MARCHF11: variants seen among roughly 807,000 people sequenced by gnomAD.
MARCHF11 encodes the protein membrane associated ring-CH-type finger 11.
MARCHF11 carries 29 observed loss-of-function variants against 37.3 expected under a neutral mutation model. The observed-to-expected ratio is 0.78, with a 90% CI of 0.58 to 1.06. The LOEUF is 1.06. MARCHF11 is among the 50% of genes least tolerant of loss of function. The probability of loss-of-function intolerance (pLI) is 0.00; values close to 1 mark genes in which losing one functional copy is unlikely to be tolerated. For synonymous variants in MARCHF11, 233 were observed against 228.0 expected (o/e 1.02, Z -0.20); for missense variants, 482 against 533.4 (o/e 0.90, Z 0.95).
chr5:16,149,814 AC>A (rs1296816724), intron 2 of MARCHF11, among the ~76,000 whole-genome samples: 1 of 152,054 alleles, frequency 6.6e-6, no homozygotes, highest in Non-Finnish European at 1.5e-5. Context: ...GTGGACCTGC[AC>A]CCGTGGTACA....
chr5:16,123,878 C>A (rs1467944369), intron 2 of MARCHF11, among the ~76,000 whole-genome samples: 2 of 152,016 alleles, frequency 1.3e-5, no homozygotes, highest in African/African-American at 4.8e-5. Flanking sequence ...AGAGACCCAC[C>A]TTTTACAATT....
intron 2 of MARCHF11, among the ~76,000 whole-genome samples, chr5:16,092,625 C>T (rs1294063309): frequency 1.3e-5 from 2 of 152,128 alleles, no homozygotes; most frequent in African/African-American, 4.8e-5. Flanking sequence ...GGACAAATAC[C>T]TAATGCCTGA....
intron 2 of MARCHF11, among the ~76,000 whole-genome samples, chr5:16,154,930 G>C (rs1299834398): frequency 2.0e-5 from 3 of 151,794 alleles, no homozygotes; most frequent in Non-Finnish European, 4.4e-5. Context: ...CAATTTGGAA[G>C]TATCTATCAA....
chr5:16,152,679 T>C (rs1440818), intron 2 of MARCHF11, among the ~76,000 whole-genome samples: 32,774 of 151,902 alleles, frequency 0.22, 3,798 homozygotes, highest in South Asian at 0.31. Context: ...ATTGCAGGAA[T>C]TGGCATTGTT....
At chr5:16,086,998 A>G (rs1300906157) in intron 3 of MARCHF11, among the ~76,000 whole-genome samples, 1 of 152,208 alleles carries the variant, frequency 6.6e-6, no homozygotes, top group African/African-American at 2.4e-5. Flanking sequence ...TGGGAAGCCA[A>G]CATGAGCTTC....
chr5:16,077,549 G>A (rs1460293873), intron 3 of MARCHF11, among the ~76,000 whole-genome samples: 1 of 151,994 alleles, frequency 6.6e-6, no homozygotes, highest in African/African-American at 2.4e-5. Flanking sequence ...AATCCTACAG[G>A]AAGAAGGCAA....
At position 16,130,977 on chromosome 5, in the gene MARCHF11, A is replaced by G. The variant is rs889342375; in HGVS notation, c.694-39896T>C. Among the ~76,000 whole-genome samples, 8 of 152,180 alleles carry G rather than the reference A, an allele frequency of 5.3e-5. No homozygotes were observed. The South Asian group carries it at 6.2e-4, about 12-fold the overall frequency. ...CTGATATCTTCTTCATTTTAAGTTG[A>G]TAAGATAATGTTGAATATTTACACG... On this transcript the variant is annotated intron_variant, in intron 2 of 3. Coordinates refer to ENST00000332432, the MANE Select transcript of MARCHF11 (RefSeq NM_001102562.3).
At chr5:16,118,839 T>C (rs1031222142) in intron 2 of MARCHF11, among the ~76,000 whole-genome samples, 7 of 151,844 alleles carry the variant, frequency 4.6e-5, no homozygotes, top group Non-Finnish European at 1.5e-5. Context: ...CAGCTTGGAG[T>C]AGACTGAGGA....
At chr5:16,071,403 C>T (rs370389201) in intron 3 of MARCHF11, among the ~76,000 whole-genome samples, 1 of 152,120 alleles carries the variant, frequency 6.6e-6, no homozygotes, top group East Asian at 1.9e-4. Flanking sequence ...TTAACTGGAC[C>T]ATCACCTTAC....
Position 16,179,620 on chromosome 5 carries a change from G to C in MARCHF11, c.-45C>G, listed in dbSNP as rs1369006580. ...TCCTGCCGGCCCGGCTGGCGGGCCG[G>C]GCTCTGGCTGCAGGGAAAGAGAGCG... On this transcript the variant is annotated 5_prime_UTR_variant, in exon 1 of 4. Coordinates refer to ENST00000332432, the MANE Select transcript of MARCHF11 (RefSeq NM_001102562.3). 1 of 1,143,570 alleles carries C rather than the reference G, an allele frequency of 8.7e-7. No homozygotes were observed. The highest frequency in any genetic ancestry group is 1.1e-6 in the Non-Finnish European group (1 of 931,024). 70.8% of individuals were successfully genotyped at this position (1,143,570 alleles called of 1,614,324 possible). A position where few individuals can be genotyped will look rare whatever the true frequency, so the allele number is the denominator to read the frequency against.
At chr5:16,145,834 C>G (rs1442060735) in intron 2 of MARCHF11, among the ~76,000 whole-genome samples, 2 of 152,072 alleles carry the variant, frequency 1.3e-5, no homozygotes, top group Non-Finnish European at 2.9e-5. Context: ...AATGGGTGTC[C>G]TGGTAGTAAA....
At chr5:16,150,262 T>A (rs987137580) in intron 2 of MARCHF11, among the ~76,000 whole-genome samples, 1 of 149,662 alleles carries the variant, frequency 6.7e-6, no homozygotes, top group African/African-American at 2.6e-5. Flanking sequence ...TAATTCCTGC[T>A]GCAGTCTGTG....
chr5:16,156,377 C>A (rs1435427501), intron 2 of MARCHF11, among the ~76,000 whole-genome samples: 1 of 151,890 alleles, frequency 6.6e-6, no homozygotes, highest in Non-Finnish European at 1.5e-5. Context: ...ATAGTTAGCA[C>A]CTTATTTTAA....
At position 16,090,896 on chromosome 5, in the gene MARCHF11, C is replaced by T; in HGVS notation, c.879G>A (p.Val293=). The T allele has an allele frequency of 1.2e-6, 2 of 1,600,296 alleles. No individual in the cohort carries two copies. The highest frequency in any genetic ancestry group is 1.7e-6 in the Non-Finnish European group (2 of 1,174,100). The change falls in exon 3 of 4, where the codon GTG becomes GTA. Residue 293 remains valine (V), a synonymous_variant. Coordinates refer to ENST00000332432, the MANE Select transcript of MARCHF11 (RefSeq NM_001102562.3). The part of the protein sequence containing the change: ...CYGMYGFMDL[V]CIGLIVHEGA... ...TGAAGGTCATGGTCTTACCTATGCA[C>T]ACTAGATCCATAAAACCATACATTC...
intron 2 of MARCHF11, among the ~76,000 whole-genome samples, chr5:16,164,620 A>G (rs566330898): frequency 2.6e-4 from 39 of 152,246 alleles, no homozygotes; most frequent in East Asian, 2.3e-3. Flanking sequence ...CCTGCAGCCA[A>G]TCACAATATT....
chr5:16,159,991 A>C (rs1738043695), intron 2 of MARCHF11, among the ~76,000 whole-genome samples: 1 of 151,940 alleles, frequency 6.6e-6, no homozygotes, highest in Non-Finnish European at 1.5e-5. Context: ...TGTTGCCCTA[A>C]GCAAAATAAA....
chr5:16,156,267 G>T lies in MARCHF11; in HGVS notation c.693+21459C>A, dbSNP rs538586730. ...ACTGTTAGACTCTGATGTGATACAA[G>T]AAATGAGCTCTCTTACTTCTAAAGT... On this transcript the variant is annotated intron_variant, in intron 2 of 3. Transcript: ENST00000332432. 5.3e-5 allele frequency among the ~76,000 whole-genome samples: 8 copies of T among 152,002 alleles called. 1 individual carries two copies. In the South Asian group the frequency reaches 1.7e-3, roughly 31 times the overall value.
chr5:16,116,092 C>G (rs1179394157), intron 2 of MARCHF11, among the ~76,000 whole-genome samples: 1 of 152,104 alleles, frequency 6.6e-6, no homozygotes, highest in Non-Finnish European at 1.5e-5. Flanking sequence ...TATTTATGAC[C>G]ACCAGAAGAT....
intron 3 of MARCHF11, among the ~76,000 whole-genome samples, chr5:16,084,092 GA>G (rs200935743): frequency 4.0e-5 from 6 of 150,216 alleles, no homozygotes; most frequent in South Asian, 2.1e-4. Context: ...ACTCCATCTG[GA>G]AAAAAAAAGT....
Sources: gnomAD v4.1 joint callset for allele counts (sites outside exome capture counted in the v4.1 genomes callset) on GRCh38, gnomAD v4.1.1 for gene constraint, MANE v1.5 for transcripts, NCBI Gene and HGNC (gene_info 2026-07-23, HGNC 2026-07-21) for gene names.